The following RPS6KA5 variants were observed in gnomAD, a reference collection of about 807,000 sequenced individuals.
RPS6KA5 encodes ribosomal protein S6 kinase A5.
Under a neutral mutation model 85.5 loss-of-function variants are expected in RPS6KA5, and 27 were observed. The observed-to-expected ratio is 0.32, with a 90% CI of 0.23 to 0.44. The LOEUF (loss-of-function observed/expected upper bound fraction) is 0.44, where lower values mean the gene tolerates loss of function less well. Among genes scored for constraint, RPS6KA5 ranks in the 20% least tolerant of loss-of-function variants. RPS6KA5 has a pLI of 1.00. For synonymous variants in RPS6KA5, 334 were observed against 348.2 expected (o/e 0.96, Z 0.46); for missense variants, 811 against 980.9 (o/e 0.83, Z 2.31).
At chr14:90,917,746 G>C (rs1595210436) in intron 7 of RPS6KA5, among the ~76,000 whole-genome samples, 1 of 137,310 alleles carries the variant, frequency 7.3e-6, no homozygotes, top group South Asian at 2.4e-4. Context: ...TTTTTTAAAA[G>C]AGATAGGGTC....
intron 2 of RPS6KA5, among the ~76,000 whole-genome samples, chr14:90,984,188 C>T (rs1376271956): frequency 6.6e-6 from 1 of 152,154 alleles, no homozygotes; most frequent in African/African-American, 2.4e-5. Context: ...ACTAGTCCTG[C>T]AGTGTTTGAC....
intron 1 of RPS6KA5, among the ~76,000 whole-genome samples, chr14:91,009,247 T>C (rs577164707): frequency 6.6e-6 from 1 of 152,348 alleles, no homozygotes; most frequent in East Asian, 1.9e-4. Flanking sequence ...ATTAGTGCTC[T>C]TATAAAAGAG....
At position 90,882,954 on chromosome 14, in the gene RPS6KA5, C is replaced by G. The variant is rs569566875; in HGVS notation, c.1836+7533G>C. 1.8e-4 allele frequency among the ~76,000 whole-genome samples: 28 copies of G among 152,136 alleles called. No individual in the cohort carries two copies. In the South Asian group the frequency reaches 3.5e-3, roughly 19 times the overall value. On this transcript the variant is annotated intron_variant, in intron 14 of 16. Coordinates refer to ENST00000614987, the MANE Select transcript of RPS6KA5 (RefSeq NM_004755.4). ...CTGGGATTATAGGTGTGTGCCACCA[C>G]GCCTGGCTAATTTGTGTATTTTTAG...
rs112166954 is a variant in RPS6KA5 at position 91,034,596 on chromosome 14, T to G, written c.103+25736A>C. Among the ~76,000 whole-genome samples, 667 of 152,236 alleles carry G rather than the reference T, an allele frequency of 4.4e-3. 4 individuals carry two copies. The highest frequency in any genetic ancestry group is 0.015 in the African/African-American group (615 of 41,518). The stretch of plus-strand genomic sequence containing the variant: ...ATCGGTACTCTGTAAAATGGACCAA[T>G]CAGCATGACATGGGCAGCAACAAAT... On this transcript the variant is annotated intron_variant, in intron 1 of 16. Transcript: ENST00000614987.
intron 14 of RPS6KA5, among the ~76,000 whole-genome samples, chr14:90,885,767 A>AAAAAAAGAAAAAAG (rs1247608590): frequency 2.1e-5 from 3 of 139,896 alleles, no homozygotes; most frequent in African/African-American, 8.2e-5. Context: ...AAAAAAAAAA[A>AAAAAAAGAAAAAAG]AAAAAAGAAA....
chr14:91,058,327 G>T (rs2043408594), intron 1 of RPS6KA5, among the ~76,000 whole-genome samples: 1 of 152,166 alleles, frequency 6.6e-6, no homozygotes, highest in African/African-American at 2.4e-5. Context: ...TGAAGCTGAT[G>T]ATTCACACAG....
At chr14:90,908,625 A>G (rs995775521) in intron 7 of RPS6KA5, among the ~76,000 whole-genome samples, 2 of 152,182 alleles carry the variant, frequency 1.3e-5, no homozygotes, top group African/African-American at 4.8e-5. Context: ...AGACACTGGG[A>G]GTGGCGTGGT....
chr14:90,942,641 T>C (rs1209071866), intron 5 of RPS6KA5, among the ~76,000 whole-genome samples: 1 of 152,212 alleles, frequency 6.6e-6, no homozygotes, highest in Non-Finnish European at 1.5e-5. Flanking sequence ...CTAGTAGATC[T>C]CTGTCATTCT....
intron 7 of RPS6KA5, among the ~76,000 whole-genome samples, chr14:90,916,933 A>C (rs1371720474): frequency 6.6e-6 from 1 of 152,242 alleles, no homozygotes; most frequent in African/African-American, 2.4e-5. Flanking sequence ...TCTTGCCATC[A>C]TAAGAAATAT....
At chr14:90,923,277 G>A (rs1595225244) in intron 5 of RPS6KA5, 81 bp from the exon 6 acceptor site, 1 of 1,102,366 alleles carries the variant, frequency 9.1e-7, no homozygotes. Context: ...ACATGTTAGT[G>A]GTTGAGATAC....
intron 2 of RPS6KA5, among the ~76,000 whole-genome samples, chr14:90,994,610 C>T (rs1271581024): frequency 1.7e-5 from 2 of 114,774 alleles, no homozygotes; most frequent in Admixed American, 1.3e-4. Flanking sequence ...CTCACTCTGT[C>T]GCCCAGGCTG....
intron 7 of RPS6KA5, among the ~76,000 whole-genome samples, chr14:90,917,506 CAAAT>C (rs1192530580): frequency 5.9e-5 from 9 of 152,090 alleles, no homozygotes; most frequent in African/African-American, 2.2e-4. Context: ...AATCAAGAAA[CAAAT>C]ATACTCATCA....
rs573048651 is a variant in RPS6KA5, at chr14:90,901,169, A to G, written c.1120-433T>C. Among the ~76,000 whole-genome samples the G allele has an allele frequency of 5.3e-5, 8 of 151,876 alleles. No individual in the cohort carries two copies. The East Asian group carries it at 1.4e-3, about 26-fold the overall frequency. On this transcript the variant is annotated intron_variant, in intron 9 of 16. Transcript: ENST00000614987. ...GCCCAGGCTGGAGTGCAGTGGTGCG[A>G]TCTTGGCTCACTGCAACTTCTGCCT...
intron 5 of RPS6KA5, among the ~76,000 whole-genome samples, chr14:90,930,929 C>T (rs1424969573): frequency 6.6e-6 from 1 of 152,166 alleles, no homozygotes; most frequent in East Asian, 1.9e-4. Flanking sequence ...AACTTTTTAG[C>T]ACTGCTGGTG....
intron 9 of RPS6KA5, among the ~76,000 whole-genome samples, chr14:90,901,112 C>CT (rs371119528): frequency 8.7e-4 from 130 of 149,312 alleles, no homozygotes; most frequent in African/African-American, 2.6e-3. Flanking sequence ...ACAAAGTGGT[C>CT]TTTTTTTTTT....
At chr14:90,920,105 T>A (rs780022927) in intron 7 of RPS6KA5, 101 bp downstream of exon 7, 5 of 801,564 alleles carry the variant, frequency 6.2e-6, no homozygotes, top group Non-Finnish European at 1.1e-5. Flanking sequence ...ACTTTGTCTA[T>A]CCTCATTTTA....
intron 3 of RPS6KA5, among the ~76,000 whole-genome samples, chr14:90,951,419 G>A (rs1202969362): frequency 1.3e-5 from 2 of 150,048 alleles, no homozygotes; most frequent in Non-Finnish European, 3.0e-5. Context: ...CTGGGAGGTG[G>A]AGCTTGCAGT....
rs139537009 is a variant in RPS6KA5, at chr14:90,936,420, C to T, written c.618+6658G>A. 5.9e-3 allele frequency among the ~76,000 whole-genome samples: 899 copies of T among 152,014 alleles called. 4 individuals carry two copies. The highest frequency in any genetic ancestry group is 0.02 in the South Asian group (98 of 4,806). On this transcript the variant is annotated intron_variant, in intron 5 of 16. Transcript: ENST00000614987. The stretch of plus-strand genomic sequence containing the variant: ...CTCTGCAAAAAATACAAAAATTAGC[C>T]GGGCATAGTGGCATGTGCCTGGAGT...
chr14:91,051,532 A>AT (rs1466099699), intron 1 of RPS6KA5, among the ~76,000 whole-genome samples: 1 of 152,160 alleles, frequency 6.6e-6, no homozygotes, highest in East Asian at 1.9e-4. Context: ...GTTGTTGCCC[A>AT]GGCTGGAATG....
Sources: gnomAD v4.1 joint callset for allele counts (sites outside exome capture counted in the v4.1 genomes callset) on GRCh38, gnomAD v4.1.1 for gene constraint, MANE v1.5 for transcripts, NCBI Gene and HGNC (gene_info 2026-07-23, HGNC 2026-07-21) for gene names.